Variants in UNC5D observed in about 807,000 individuals in gnomAD.
UNC5D encodes the protein netrin receptor UNC5D.
Under a neutral mutation model 105.4 loss-of-function variants are expected in UNC5D, and 39 were observed. The ratio of observed to expected loss-of-function variants is 0.37; its 90% CI spans 0.29 to 0.48. The LOEUF (loss-of-function observed/expected upper bound fraction) is 0.48, where lower values mean the gene tolerates loss of function less well. Ranked by LOEUF, UNC5D falls within the 20% of genes least tolerant of loss-of-function variation. The probability of loss-of-function intolerance (pLI) is 0.98; values close to 1 mark genes in which losing one functional copy is unlikely to be tolerated. For missense variants in UNC5D, 991 were observed against 1,202.4 expected, an observed-to-expected ratio of 0.82 and a Z score of 2.60; for synonymous variants, 452 against 450.4, an observed-to-expected ratio of 1.00 and a Z score of -0.04.
At chr8:35,368,561 A>T (rs927693203) in intron 1 of UNC5D, among the ~76,000 whole-genome samples, 1 of 150,450 alleles carries the variant, frequency 6.6e-6, no homozygotes, top group African/African-American at 2.4e-5. Context: ...TAAATTTAAG[A>T]TAATATAGAT....
chr8:35,665,704 T>G (rs1039839194), intron 4 of UNC5D, among the ~76,000 whole-genome samples: 42 of 151,092 alleles, frequency 2.8e-4, no homozygotes, highest in African/African-American at 1.0e-3. Flanking sequence ...AGGGTTTTGA[T>G]CTCACAGGGA....
At position 35,669,428 on chromosome 8, in the gene UNC5D, C is replaced by G. The variant is rs75743431; in HGVS notation, c.571-14119C>G. Among the ~76,000 whole-genome samples the G allele has an allele frequency of 8.4e-3, 1,273 of 152,192 alleles. 18 individuals carry two copies. Among genetic ancestry groups the G allele is most frequent in the African/African-American group, 0.029 (1,218 of 41,508 alleles). On this transcript the variant is annotated intron_variant, in intron 4 of 16. Coordinates refer to ENST00000404895, the MANE Select transcript of UNC5D (RefSeq NM_080872.4). ...TACCTGGTATTCCTATATCACTTGT[C>G]TAAGTCAGAAATATGGGTGCCAAAT...
At chr8:35,605,546 G>C (rs1820232488) in intron 4 of UNC5D, among the ~76,000 whole-genome samples, 1 of 152,122 alleles carries the variant, frequency 6.6e-6, no homozygotes, top group African/African-American at 2.4e-5. Flanking sequence ...CTGTGTGCTG[G>C]GAGAACCACT....
At chr8:35,666,755 TAAACTG>T (rs1364573326) in intron 4 of UNC5D, among the ~76,000 whole-genome samples, 1 of 152,162 alleles carries the variant, frequency 6.6e-6, no homozygotes, top group Non-Finnish European at 1.5e-5. Flanking sequence ...ATTTAAGAAA[TAAACTG>T]AAATGAAAAC....
chr8:35,564,239 GTCT>G (rs1165115283), intron 2 of UNC5D, among the ~76,000 whole-genome samples: 4 of 152,002 alleles, frequency 2.6e-5, no homozygotes, highest in Non-Finnish European at 5.9e-5. Flanking sequence ...AGATGAAAGT[GTCT>G]TCTTGTAGCA....
intron 7 of UNC5D, among the ~76,000 whole-genome samples, chr8:35,693,323 C>A (rs977475759): frequency 6.6e-6 from 1 of 152,082 alleles, no homozygotes; most frequent in East Asian, 1.9e-4. Flanking sequence ...AACAAATTAC[C>A]GTAACGCTTC....
At chr8:35,244,173 G>A (rs1432320364) in intron 1 of UNC5D, among the ~76,000 whole-genome samples, 1 of 152,180 alleles carries the variant, frequency 6.6e-6, no homozygotes, top group Non-Finnish European at 1.5e-5. Context: ...AACAGATGAT[G>A]AAATTAAGGT....
chr8:35,565,147 G>C (rs1817246994), intron 2 of UNC5D, among the ~76,000 whole-genome samples: 1 of 152,096 alleles, frequency 6.6e-6, no homozygotes, highest in Non-Finnish European at 1.5e-5. Context: ...ATCTACTTTA[G>C]TCTTTTGAGA....
intron 1 of UNC5D, among the ~76,000 whole-genome samples, chr8:35,425,722 C>G (rs1806205954): frequency 6.6e-6 from 1 of 152,160 alleles, no homozygotes; most frequent in Non-Finnish European, 1.5e-5. Context: ...CTACCCTGCT[C>G]TGCCCTTCAG....
intron 1 of UNC5D, among the ~76,000 whole-genome samples, chr8:35,318,726 T>C (rs2128883600): frequency 6.6e-6 from 1 of 152,194 alleles, no homozygotes; most frequent in African/African-American, 2.4e-5. Context: ...TTTATTATCC[T>C]AAGCACAGTT....
intron 4 of UNC5D, among the ~76,000 whole-genome samples, chr8:35,677,785 T>C (rs931206704): frequency 5.3e-5 from 8 of 151,526 alleles, no homozygotes; most frequent in African/African-American, 1.9e-4. Flanking sequence ...CATATATATA[T>C]ATATGCTGAT....
At chr8:35,619,650 A>G (rs1821233462) in intron 4 of UNC5D, among the ~76,000 whole-genome samples, 1 of 152,238 alleles carries the variant, frequency 6.6e-6, no homozygotes, top group South Asian at 2.1e-4. Context: ...CAGAAGTTAC[A>G]AATAGGTGTG....
chr8:35,477,220 C>G (rs566911469), intron 1 of UNC5D, among the ~76,000 whole-genome samples: 1 of 152,234 alleles, frequency 6.6e-6, no homozygotes, highest in East Asian at 1.9e-4. Context: ...GTGTTCAAGC[C>G]TTAGAATGTA....
Position 35,683,812 on chromosome 8 carries a change from G to A in UNC5D, c.751+85G>A, listed in dbSNP as rs1373543966. 21 of 1,310,504 alleles carry A rather than the reference G, an allele frequency of 1.6e-5. No homozygotes were observed. In the East Asian group the frequency reaches 3.9e-4, roughly 24 times the overall value. 81.2% of individuals were successfully genotyped at this position (1,310,504 alleles called of 1,614,324 possible). ...GTGTTTTATTAAAACTTTCAATGTC[G>A]AGAGCTGCAAAGACCTTGGGGTTCA... On this transcript the variant is annotated intron_variant, in intron 5 of 16. Transcript: ENST00000404895.
intron 10 of UNC5D, 42 bp from the exon 11 acceptor site, chr8:35,730,970 T>C (rs770678474): frequency 6.3e-7 from 1 of 1,594,356 alleles, no homozygotes; most frequent in Non-Finnish European, 8.6e-7. Context: ...TCATGATAAT[T>C]GGAAAAATCT....
At chr8:35,552,434 C>A (rs1039161560) in intron 2 of UNC5D, among the ~76,000 whole-genome samples, 1 of 152,210 alleles carries the variant, frequency 6.6e-6, no homozygotes, top group East Asian at 1.9e-4. Flanking sequence ...GATTGAAGTA[C>A]ATGGCTCATC....
rs771898931 is a variant in UNC5D, at chr8:35,549,422, G to A, written c.234G>A (p.Arg78=). 8 of 1,613,164 alleles carry A rather than the reference G, an allele frequency of 5.0e-6. No homozygotes were observed. The highest frequency in any genetic ancestry group is 2.2e-5 in the East Asian group (1 of 44,876). ...SNPIALRCKA[R]PAMQIFFKCN... ...CTATTGCACTCAGGTGCAAAGCGAG[G>A]CCAGCCATGCAGATATTCTTCAAAT... The change falls in exon 2 of 17, where the codon AGG becomes AGA. Residue 78 remains arginine (R), a synonymous_variant. Coordinates refer to ENST00000404895, the MANE Select transcript of UNC5D (RefSeq NM_080872.4).
intron 1 of UNC5D, among the ~76,000 whole-genome samples, chr8:35,509,614 G>C (rs1812566574): frequency 6.7e-6 from 1 of 148,858 alleles, no homozygotes; most frequent in African/African-American, 2.5e-5. Context: ...TGAGCATATA[G>C]GAAACAGAAC....
intron 11 of UNC5D, among the ~76,000 whole-genome samples, chr8:35,741,569 A>T (rs7824631): frequency 1.3e-5 from 2 of 152,118 alleles, no homozygotes; most frequent in African/African-American, 4.8e-5. Context: ...CCCAACCTGA[A>T]ATCCTTGCCT....
Sources: gnomAD v4.1 joint callset for allele counts (sites outside exome capture counted in the v4.1 genomes callset) on GRCh38, gnomAD v4.1.1 for gene constraint, MANE v1.5 for transcripts, NCBI Gene and HGNC (gene_info 2026-07-23, HGNC 2026-07-21) for gene names.